Variants in GPHN observed in about 807,000 individuals in gnomAD.
GPHN encodes the protein gephyrin.
In GPHN, 17 loss-of-function variants were observed where a neutral mutation model predicts 95.5. The observed-to-expected ratio is 0.18, with a 90% CI of 0.12 to 0.27. The LOEUF is 0.27. Ranked by LOEUF, GPHN falls within the 10% of genes least tolerant of loss-of-function variation. The probability of loss-of-function intolerance (pLI) is 1.00; values close to 1 mark genes in which losing one functional copy is unlikely to be tolerated. For missense variants in GPHN, 660 were observed against 978.1 expected (o/e 0.67, Z 4.34); for synonymous variants, 320 against 322.5 (o/e 0.99, Z 0.08).
intron 8 of GPHN, among the ~76,000 whole-genome samples, chr14:66,961,596 T>C (rs935703028): frequency 5.4e-5 from 8 of 149,428 alleles, no homozygotes; most frequent in African/African-American, 2.0e-4. Context: ...AGGGAAAAAA[T>C]GGGCAAGGAT....
intron 13 of GPHN, among the ~76,000 whole-genome samples, chr14:67,109,803 T>C (rs1014738498): frequency 2.0e-5 from 3 of 152,206 alleles, no homozygotes; most frequent in Non-Finnish European, 4.4e-5. Context: ...TTACAGACTC[T>C]CAAATCACTT....
chr14:67,322,505 TAGTC>T, the GPHN span, among the ~76,000 whole-genome samples: 1 of 152,170 alleles, frequency 6.6e-6, no homozygotes. Context: ...TTAGGCAACA[TAGTC>T]AGTGGTCATT....
chr14:67,582,589 C>T, the GPHN span, among the ~76,000 whole-genome samples: 7 of 152,042 alleles, frequency 4.6e-5, no homozygotes, highest in African/African-American at 1.7e-4. The surrounding 1 kb of genome is among the most constrained non-coding windows in gnomAD (Gnocchi z 5.0). Context: ...GAGGCCGAGG[C>T]GGGCAGATCA....
chr14:66,605,015 G>A (rs1168238840), intron 1 of GPHN, among the ~76,000 whole-genome samples: 3 of 152,086 alleles, frequency 2.0e-5, no homozygotes, highest in Non-Finnish European at 4.4e-5. Flanking sequence ...CATCCATGTT[G>A]CTGCAAAGGA....
At chr14:67,573,457 A>C in the GPHN span, 1 of 1,030,850 alleles carries the variant, frequency 9.7e-7, no homozygotes, top group Non-Finnish European at 1.5e-6. This position sits in a 1 kb window ranked among gnomAD's most constrained non-coding sequence, Gnocchi z 4.8. Flanking sequence ...GTCAGATGGG[A>C]CGGAGGAGGG....
intron 20 of GPHN, among the ~76,000 whole-genome samples, chr14:67,168,143 A>C (rs2082390162): frequency 6.6e-6 from 1 of 152,232 alleles, no homozygotes; most frequent in Non-Finnish European, 1.5e-5. Flanking sequence ...TCAAGGTGCC[A>C]GCAAGGTTGG....
the GPHN span, among the ~76,000 whole-genome samples, chr14:67,709,020 T>G: frequency 1.3e-5 from 2 of 152,328 alleles, no homozygotes; most frequent in East Asian, 3.9e-4. Context: ...CTCGATCTTT[T>G]GACCTCATGA....
At chr14:67,165,278 T>C (rs769318750) in intron 20 of GPHN, 52 bp downstream of exon 20, 2 of 1,266,038 alleles carry the variant, frequency 1.6e-6, no homozygotes, top group South Asian at 1.2e-5. Flanking sequence ...TAGCCAAAAT[T>C]TTTTGGACTT....
the GPHN span, among the ~76,000 whole-genome samples, chr14:67,345,477 C>T: frequency 3.9e-5 from 6 of 152,132 alleles, no homozygotes; most frequent in Admixed American, 1.3e-4. Context: ...ATCACTTGAA[C>T]CCAGGAGGCA....
chr14:66,653,551 C>A (rs747236157), intron 1 of GPHN, among the ~76,000 whole-genome samples: 10 of 152,094 alleles, frequency 6.6e-5, no homozygotes, highest in Non-Finnish European at 1.5e-4. Context: ...ACACAAGGAT[C>A]CCTCAATTTG....
At chr14:67,397,285 C>T in the GPHN span, among the ~76,000 whole-genome samples, 8 of 152,174 alleles carry the variant, frequency 5.3e-5, no homozygotes, top group Admixed American at 2.6e-4. Flanking sequence ...ACTTCTGGAA[C>T]GCAGACCCCT....
chr14:67,121,971 C>T (rs2079033352), intron 16 of GPHN, among the ~76,000 whole-genome samples: 1 of 152,106 alleles, frequency 6.6e-6, no homozygotes, highest in African/African-American at 2.4e-5. Context: ...GCCAGTATCT[C>T]CAGAGCATTA....
At chr14:67,133,680 T>A (rs1412296965) in intron 17 of GPHN, among the ~76,000 whole-genome samples, 2 of 152,172 alleles carry the variant, frequency 1.3e-5, no homozygotes. Flanking sequence ...GAATATATTC[T>A]TTCTTCACAG....
intron 18 of GPHN, among the ~76,000 whole-genome samples, chr14:67,153,038 C>A (rs1171411054): frequency 1.3e-5 from 2 of 151,882 alleles, no homozygotes; most frequent in Non-Finnish European, 2.9e-5. Flanking sequence ...CAGTGGCTCA[C>A]GCCTGTAATC....
At chr14:67,563,015 C>A in the GPHN span, 2 of 1,000,210 alleles carry the variant, frequency 2.0e-6, no homozygotes, top group Non-Finnish European at 2.9e-6. Flanking sequence ...GTGGCCCTGG[C>A]AGGCAGGTAC....
chr14:67,120,558 T>C (rs2078963954), intron 16 of GPHN, among the ~76,000 whole-genome samples: 2 of 152,266 alleles, frequency 1.3e-5, no homozygotes, highest in South Asian at 4.1e-4. Flanking sequence ...GGAACATAAA[T>C]AGCAAAGAAA....
the GPHN span, among the ~76,000 whole-genome samples, chr14:67,284,654 T>A: frequency 6.7e-6 from 1 of 149,700 alleles, no homozygotes; most frequent in Non-Finnish European, 1.5e-5. Flanking sequence ...CTCCCTATTC[T>A]GTCCACCACC....
the GPHN span, chr14:67,648,928 G>A: frequency 2.6e-5 from 4 of 152,236 alleles, no homozygotes; most frequent in Admixed American, 2.0e-4. Context: ...AAAGGTTCAG[G>A]GCTATAGAGA....
At chr14:66,728,582 C>T (rs1006415217) in intron 2 of GPHN, among the ~76,000 whole-genome samples, 71 of 152,310 alleles carry the variant, frequency 4.7e-4, no homozygotes, top group South Asian at 6.2e-4. Context: ...TTTGATTTGA[C>T]GTAAGATTTG....
Sources: allele counts gnomAD v4.1 joint callset (sites outside exome capture counted in the v4.1 genomes callset), GRCh38; gene constraint gnomAD v4.1.1; non-coding constraint Gnocchi (gnomAD v3.1); transcripts MANE v1.5; gene names NCBI Gene and HGNC (gene_info 2026-07-23, HGNC 2026-07-21).